TMEM106C: variants seen among roughly 807,000 people sequenced by gnomAD.
TMEM106C encodes the protein transmembrane protein 106C, also known as endoplasmic reticulum membrane protein overexpressed in cancer.
TMEM106C carries 27 observed loss-of-function variants against 30.8 expected under a neutral mutation model. The observed-to-expected ratio is 0.88, with a 90% CI of 0.65 to 1.21. The LOEUF (loss-of-function observed/expected upper bound fraction) is 1.21. Among genes scored for constraint, TMEM106C ranks in the 50% most tolerant of loss-of-function variants. TMEM106C has a pLI of 0.00. For synonymous variants in TMEM106C, 123 were observed against 118.8 expected, an observed-to-expected ratio of 1.04 and a Z score of -0.23; for missense variants, 288 against 307.8, an observed-to-expected ratio of 0.94 and a Z score of 0.48.
intron 2 of TMEM106C, 84 bp from the exon 3 acceptor site, chr12:47,965,198 T>C: frequency 9.2e-7 from 1 of 1,083,094 alleles, no homozygotes; most frequent in African/African-American, 1.6e-5. Context: ...AGAAGAATAT[T>C]TGTTGTGGCA....
In TMEM106C at chr12:47,968,750, CT is replaced by C. The variant is rs59253051; in HGVS notation, c.*534del. The C allele has an allele frequency of 0.025, 3,767 of 149,910 alleles. 101 individuals carry two copies. The highest frequency in any genetic ancestry group is 0.073 in the African/African-American group (2,891 of 39,650). The allele number at this position is 149,910 out of a possible 1,614,324, so 9.3% of individuals were successfully genotyped here. The stretch of plus-strand genomic sequence containing the variant: ...GAAAAGAAAGAAAAAAGTGTGTTGG[CT>C]TTTTTTTTTTTTAGAAAGTTAGAAT... On this transcript the variant is annotated 3_prime_UTR_variant, in exon 8 of 8. Transcript: ENST00000429772.
chr12:47,968,633 G>A lies in TMEM106C; in HGVS notation c.*404G>A. The A allele has an allele frequency of 3.4e-6, 1 of 290,176 alleles. No individual in the cohort carries two copies. The highest frequency in any genetic ancestry group is 6.7e-6 in the Non-Finnish European group (1 of 148,168). The allele number at this position is 290,176 out of a possible 1,614,324, so 18.0% of individuals were successfully genotyped here. ...GTGCCTCATCTGTGCAGAAGTGGCAGCAGAGAGGGACCATCCAAATACCTA... is the reference window on the plus strand; with the variant it reads ...GTGCCTCATCTGTGCAGAAGTGGCAACAGAGAGGGACCATCCAAATACCTA... On this transcript the variant is annotated 3_prime_UTR_variant, in exon 8 of 8. Transcript: ENST00000429772.
chr12:47,966,913 A>G, intron 6 of TMEM106C, 181 bp downstream of exon 6: 2 of 667,648 alleles, frequency 3.0e-6, no homozygotes, highest in Non-Finnish European at 5.1e-6. Flanking sequence ...TATTTGAAGA[A>G]TGTATTATTT....
At chr12:47,964,120 T>G in intron 1 of TMEM106C, 89 bp from the exon 2 acceptor site, 1 of 1,170,144 alleles carries the variant, frequency 8.5e-7, no homozygotes, top group African/African-American at 1.5e-5. Flanking sequence ...AACTTGTCAT[T>G]TTTGCGTTTT....
chr12:47,967,164 T>TAAAAAAAAA, intron 6 of TMEM106C, 44 bp from the exon 7 acceptor site: 27 of 1,418,814 alleles, frequency 1.9e-5, no homozygotes, highest in South Asian at 1.8e-4. Flanking sequence ...ACTGAGGCTT[T>TAAAAAAAAA]AAAAAAAAAA....
In TMEM106C at chr12:47,965,333, G is replaced by A. The variant is rs771227193; in HGVS notation, c.239G>A (p.Arg80His). ...ALIPHSDQRL[R>H]PQRTKQYVLL... ...ATCCCACACAGTGATCAGAGATTGC[G>A]CCCTCAGCGAACGTGAGTTACCTGC... Residue 80 changes from arginine to histidine, a missense_variant, in exon 3 of 8, where the codon CGC becomes CAC. Coordinates refer to ENST00000429772, the MANE Select transcript of TMEM106C (RefSeq NM_001143842.2). The A allele has an allele frequency of 2.3e-5, 37 of 1,613,914 alleles. No individual in the cohort carries two copies. The highest frequency in any genetic ancestry group is 1.0e-4 in the Admixed American group (6 of 59,974).
Position 47,968,105 on chromosome 12 carries a change from T to G in TMEM106C, c.657-28T>G, listed in dbSNP as rs557506303. The G allele has an allele frequency of 1.3e-5, 20 of 1,584,272 alleles. No individual in the cohort carries two copies. In the African/African-American group the frequency reaches 2.4e-4, roughly 19 times the overall value. ...GCTTATTTCATCCCCCAAACATAAT[T>G]AATTCTTCTTGGTTTTCTTTTCCCT... On this transcript the variant is annotated intron_variant, in intron 7 of 7. Coordinates refer to ENST00000429772, the MANE Select transcript of TMEM106C (RefSeq NM_001143842.2).
intron 3 of TMEM106C, 101 bp from the exon 4 acceptor site, chr12:47,965,737 C>T: frequency 6.9e-7 from 1 of 1,442,680 alleles, no homozygotes; most frequent in Non-Finnish European, 9.5e-7. Context: ...TTGGAACTTC[C>T]CTTTCAGCTC....
chr12:47,967,112 G>C (rs117699587), intron 6 of TMEM106C, 96 bp from the exon 7 acceptor site: 20,391 of 1,289,482 alleles, frequency 0.016, 235 homozygotes, highest in Non-Finnish European at 0.02. Flanking sequence ...GGAAGGGGGA[G>C]GGGGGCACCC....
At chr12:47,964,058 A>G in intron 1 of TMEM106C, 151 bp from the exon 2 acceptor site, 1 of 650,996 alleles carries the variant, frequency 1.5e-6, no homozygotes, top group Admixed American at 2.7e-5. Flanking sequence ...CTACTACAAA[A>G]TGAGGGTCCC....
At chr12:47,964,911 G>C in intron 2 of TMEM106C, 1 of 269,608 alleles carries the variant, frequency 3.7e-6, no homozygotes, top group Middle Eastern at 1.2e-3. Context: ...TAACAGTTTA[G>C]CTGGAGAGTC....
At chr12:47,965,215 A>T in intron 2 of TMEM106C, 67 bp from the exon 3 acceptor site, 1 of 1,314,244 alleles carries the variant, frequency 7.6e-7, no homozygotes, top group Non-Finnish European at 1.1e-6. Flanking sequence ...GGCAGGCTCA[A>T]GTGAGACGTG....
chr12:47,965,774 A>G, intron 3 of TMEM106C, 64 bp from the exon 4 acceptor site: 1 of 1,587,428 alleles, frequency 6.3e-7, no homozygotes, highest in Non-Finnish European at 8.6e-7. Context: ...TTTGTGTTTA[A>G]TCTTGACACA....
chr12:47,966,214 T>A lies in TMEM106C; in HGVS notation c.537T>A (p.Pro179=). The A allele has an allele frequency of 4.3e-6, 7 of 1,614,028 alleles. No individual in the cohort carries two copies. The highest frequency in any genetic ancestry group is 5.9e-6 in the Non-Finnish European group (7 of 1,180,026). The change falls in exon 5 of 8, where the codon CCT becomes CCA. Residue 179 remains proline (P), a synonymous_variant. Transcript: ENST00000429772. ...CTACTAACGTCTCCCTTATTCCACC[T>A]CGGAGTGAGCAACTGGTATGCTGTT... ...YVTTNVSLIP[P]RSEQLVNFTG... is the part of the protein sequence containing the mutation.
rs115946625 is a variant in TMEM106C at position 47,965,447 on chromosome 12, A to G, written c.251+102A>G. 2,717 of 1,100,498 alleles carry G rather than the reference A, an allele frequency of 2.5e-3. 48 individuals carry two copies. In the African/African-American group the frequency reaches 0.036, roughly 15 times the overall value. The allele number at this position is 1,100,498 out of a possible 1,614,324, so 68.2% of individuals were successfully genotyped here. A position where few individuals can be genotyped will look rare whatever the true frequency, so the allele number is the denominator to read the frequency against. ...TTCTTTGAAAACTACACATGTTCTTATAAGTTCCCCATTTTCCTTATAACT... is the reference window on the plus strand; with the variant it reads ...TTCTTTGAAAACTACACATGTTCTTGTAAGTTCCCCATTTTCCTTATAACT... On this transcript the variant is annotated intron_variant, in intron 3 of 7. Coordinates refer to ENST00000429772, the MANE Select transcript of TMEM106C (RefSeq NM_001143842.2).
At position 47,965,281 on chromosome 12, in the gene TMEM106C, G is replaced by C; in HGVS notation, c.188-1G>C. 1 of 1,613,784 alleles carries C rather than the reference G, an allele frequency of 6.2e-7. No individual in the cohort carries two copies. The highest frequency in any genetic ancestry group is 1.3e-5 in the African/African-American group (1 of 75,036). ...AAAATAATTGTTTGGCTCTTTTCTA[G>C]AGCAAGTAAATGAGTTGGTGGCTTT... On this transcript the variant is annotated splice_acceptor_variant, in intron 2 of 7. Coordinates refer to ENST00000429772, the MANE Select transcript of TMEM106C (RefSeq NM_001143842.2). LOFTEE classifies it high-confidence loss of function.
At position 47,968,313 on chromosome 12, in the gene TMEM106C, C is replaced by A. The variant is rs774276986; in HGVS notation, c.*84C>A. 22 of 1,075,884 alleles carry A rather than the reference C, an allele frequency of 2.0e-5. No homozygotes were observed. The highest frequency in any genetic ancestry group is 3.0e-5 in the Non-Finnish European group (21 of 701,516). The allele number at this position is 1,075,884 out of a possible 1,614,324, so 66.6% of individuals were successfully genotyped here. ...AAGGCCTGAGTTCTGGACCTACCCCCACGTGGTGTAAGCAGAGGAGGAATT... is the reference window on the plus strand; with the variant it reads ...AAGGCCTGAGTTCTGGACCTACCCCAACGTGGTGTAAGCAGAGGAGGAATT... On this transcript the variant is annotated 3_prime_UTR_variant, in exon 8 of 8. Transcript: ENST00000429772.
Position 47,968,801 on chromosome 12 carries a change from G to T in TMEM106C, c.*572G>T, listed in dbSNP as rs1198730443. ...TTGTTTTTACCAAGAGTCTATGTGG[G>T]GCTTGATTCACCCTTCATCCATTGG... On this transcript the variant is annotated 3_prime_UTR_variant, in exon 8 of 8. Coordinates refer to ENST00000429772, the MANE Select transcript of TMEM106C (RefSeq NM_001143842.2). The T allele has an allele frequency of 6.2e-6, 1 of 161,232 alleles. No homozygotes were observed. The highest frequency in any genetic ancestry group is 2.4e-5 in the African/African-American group (1 of 41,388). The allele number at this position is 161,232 out of a possible 1,614,324, so 10.0% of individuals were successfully genotyped here. A position where few individuals can be genotyped will look rare whatever the true frequency, so the allele number is the denominator to read the frequency against.
intron 3 of TMEM106C, 119 bp from the exon 4 acceptor site, chr12:47,965,719 C>T: frequency 7.7e-7 from 1 of 1,291,762 alleles, no homozygotes; most frequent in Admixed American, 2.1e-5. Context: ...GTTTATGGTT[C>T]CTGGCTCTTG....
Sources: gnomAD v4.1 joint callset for allele counts on GRCh38, gnomAD v4.1.1 for gene constraint, MANE v1.5 for transcripts, NCBI Gene and HGNC (gene_info 2026-07-23, HGNC 2026-07-21) for gene names.